Variants in LRRFIP1 observed in about 807,000 individuals in gnomAD.
LRRFIP1 encodes the protein leucine-rich repeat flightless-interacting protein 1.
In LRRFIP1, 62 loss-of-function variants were observed where a neutral mutation model predicts 104.4. The observed-to-expected ratio is 0.59, with a 90% CI of 0.48 to 0.73. The LOEUF is 0.73. LRRFIP1 is among the 30% of genes least tolerant of loss of function. The pLI, the probability that LRRFIP1 is intolerant of heterozygous loss-of-function variation, is 0.00. For missense variants in LRRFIP1, 796 were observed against 824.5 expected (o/e 0.97, Z 0.42); for synonymous variants, 300 against 299.0 (o/e 1.00, Z -0.03).
chr2:237,688,719 C>T (rs970254566), intron 1 of LRRFIP1, among the ~76,000 whole-genome samples: 1 of 152,020 alleles, frequency 6.6e-6, no homozygotes, highest in African/African-American at 2.4e-5. Flanking sequence ...TCGGCCTCCC[C>T]AAGTGCTGGG....
intron 19 of LRRFIP1, among the ~76,000 whole-genome samples, chr2:237,767,151 G>T (rs527334937): frequency 6.6e-6 from 1 of 152,246 alleles, no homozygotes; most frequent in South Asian, 2.1e-4. Flanking sequence ...ATTCCAGCCT[G>T]GGTGATGGAG....
chr2:237,754,784 A>G (rs916043800), intron 15 of LRRFIP1, among the ~76,000 whole-genome samples: 5 of 152,232 alleles, frequency 3.3e-5, no homozygotes, highest in Non-Finnish European at 5.9e-5. Context: ...AGTGGAGAGC[A>G]CAGCCCAGCC....
intron 22 of LRRFIP1, among the ~76,000 whole-genome samples, chr2:237,773,446 G>C (rs2060820110): frequency 6.6e-6 from 1 of 152,142 alleles, no homozygotes; most frequent in African/African-American, 2.4e-5. Context: ...GCTGAAGCAG[G>C]AGAATCGCTT....
chr2:237,779,513 C>T lies in LRRFIP1; in HGVS notation c.1904C>T (p.Ala635Val), dbSNP rs1318993205. The T allele has an allele frequency of 6.2e-7, 1 of 1,613,484 alleles. No homozygotes were observed. The change falls in exon 24 of 24, where the codon GCA becomes GTA. Residue 635 changes from alanine (A) to valine (V), a missense_variant. Transcript: ENST00000308482. ...GAAAAAATGAAAGCAAATCGGAGTG[C>T]ACTCTTGTCCCAGCAGTAAATTCCA... Reference protein sequence around the residue: ...RLEKMKANRSALLSQQ With the variant: ...RLEKMKANRSVLLSQQ
intron 13 of LRRFIP1, 73 bp from the exon 14 acceptor site, chr2:237,751,127 C>A: frequency 2.8e-6 from 3 of 1,061,158 alleles, no homozygotes; most frequent in South Asian, 1.5e-5. Flanking sequence ...AGAAACTACC[C>A]TGAAGTATAA....
chr2:237,768,628 G>A (rs947173673), intron 19 of LRRFIP1: 1 of 152,178 alleles, frequency 6.6e-6, no homozygotes, highest in Non-Finnish European at 1.5e-5. Context: ...TAATTTGACT[G>A]TAAATTAAAA....
In LRRFIP1 at chr2:237,771,430, G is replaced by C. The variant is rs1576423558; in HGVS notation, c.1510-651G>C. On this transcript the variant is annotated intron_variant, in intron 20 of 23. Coordinates refer to ENST00000308482, the MANE Select transcript of LRRFIP1 (RefSeq NM_001137550.2). ...AGTTGTAGGCGTTGGGTATTAAAAG[G>C]AATCTAGAGGTGATTTAAAGTGTAC... Among the ~76,000 whole-genome samples, 3 of 152,104 alleles carry C rather than the reference G, an allele frequency of 2.0e-5. No homozygotes were observed. The South Asian group carries it at 6.2e-4, about 32-fold the overall frequency.
In LRRFIP1 at chr2:237,735,196, C is replaced by T. The variant is rs971081480; in HGVS notation, c.490-72C>T. ...GCACGTGTCAGTTTTTCACAGCTCA[C>T]GTTTTCAGCACTTTCTGGGCACTCT... On this transcript the variant is annotated intron_variant, in intron 9 of 23. Coordinates refer to ENST00000308482, the MANE Select transcript of LRRFIP1 (RefSeq NM_001137550.2). This position sits in a 1 kb window ranked among gnomAD's most constrained non-coding sequence, Gnocchi z 4.6. 7.5e-6 allele frequency: 10 copies of T among 1,325,768 alleles called. No individual in the cohort carries two copies. The highest frequency in any genetic ancestry group is 1.8e-4 in the Middle Eastern group (1 of 5,430). The allele number at this position is 1,325,768 out of a possible 1,614,324, so 82.1% of individuals were successfully genotyped here. A position where few individuals can be genotyped will look rare whatever the true frequency, so the allele number is the denominator to read the frequency against.
intron 1 of LRRFIP1, among the ~76,000 whole-genome samples, chr2:237,681,678 CTTTTTTT>C (rs1172576547): frequency 2.2e-5 from 1 of 44,908 alleles, no homozygotes; most frequent in Admixed American, 3.2e-4. Context: ...CAGTCCTATT[CTTTTTTT>C]TTTTTTTTTT....
chr2:237,721,811 C>T (rs111362115), intron 6 of LRRFIP1: 4 of 152,292 alleles, frequency 2.6e-5, no homozygotes, highest in Middle Eastern at 3.4e-3. Flanking sequence ...AAAGCAGATC[C>T]GTAGTGATTT....
At chr2:237,774,486 G>A (rs781518752) in intron 23 of LRRFIP1, 24 bp downstream of exon 23, 31 of 1,447,944 alleles carry the variant, frequency 2.1e-5, no homozygotes, top group Non-Finnish European at 2.8e-5. Context: ...GCAATTTCTA[G>A]GAAGAGAATG....
chr2:237,774,318 C>A, intron 22 of LRRFIP1, 40 bp from the exon 23 acceptor site: 1 of 1,206,942 alleles, frequency 8.3e-7, no homozygotes, highest in Non-Finnish European at 1.2e-6. Context: ...AGAAAACAGG[C>A]TTATCAATTT....
At chr2:237,752,060 C>T (rs895470379) in intron 14 of LRRFIP1, among the ~76,000 whole-genome samples, 3 of 152,174 alleles carry the variant, frequency 2.0e-5, no homozygotes, top group Admixed American at 2.0e-4. Flanking sequence ...TTCATATCTG[C>T]CACCTTTCCT....
chr2:237,655,980 C>G (rs374308314), intron 1 of LRRFIP1, among the ~76,000 whole-genome samples: 1 of 152,194 alleles, frequency 6.6e-6, no homozygotes, highest in South Asian at 2.1e-4. Flanking sequence ...GAGATTTATT[C>G]ACTGAATCAA....
chr2:237,756,026 T>A, intron 15 of LRRFIP1, 69 bp from the exon 16 acceptor site: 2 of 958,698 alleles, frequency 2.1e-6, no homozygotes, highest in Non-Finnish European at 3.3e-6. Flanking sequence ...CTATAAATCG[T>A]GAGAGCCTGA....
At chr2:237,775,900 G>A (rs983650765) in intron 23 of LRRFIP1, among the ~76,000 whole-genome samples, 1 of 151,988 alleles carries the variant, frequency 6.6e-6, no homozygotes, top group Non-Finnish European at 1.5e-5. Context: ...GACTGTGGAG[G>A]AGAAACCAAA....
At chr2:237,630,137 G>C (rs542581598) in intron 1 of LRRFIP1, among the ~76,000 whole-genome samples, 1 of 152,382 alleles carries the variant, frequency 6.6e-6, no homozygotes, top group East Asian at 1.9e-4. Flanking sequence ...AGGTGCAGCT[G>C]TTACTAGTGC....
In LRRFIP1 at chr2:237,756,158, G is replaced by A; in HGVS notation, c.1102G>A (p.Ala368Thr). The change falls in exon 16 of 24, where the codon GCC becomes ACC. Residue 368 changes from alanine to threonine, a missense_variant. Ala to Thr is a moderately conservative substitution (Grantham distance 58, BLOSUM62 0). Transcript: ENST00000308482. Reference sequence around the variant, plus strand: ...ATTTCAGTTTGCTGAAGTCAAGGAGGCCCTGAAGCAAAGAGAGGAAATGCT... The same window carrying A: ...ATTTCAGTTTGCTGAAGTCAAGGAGACCCTGAAGCAAAGAGAGGAAATGCT... Reference protein sequence around the residue: ...LQFQFAEVKEALKQREEMLEE... With the variant: ...LQFQFAEVKETLKQREEMLEE... 1.2e-6 allele frequency: 2 copies of A among 1,613,972 alleles called. No homozygotes were observed. Among genetic ancestry groups the A allele is most frequent in the East Asian group, 4.5e-5 (2 of 44,864 alleles).
intron 23 of LRRFIP1, 135 bp downstream of exon 23, chr2:237,774,597 A>G (rs2060925031): frequency 1.5e-6 from 1 of 649,848 alleles, no homozygotes. Flanking sequence ...ACCACTCTGC[A>G]GTGCCGGTGT....
Sources: gnomAD v4.1 joint callset for allele counts (sites outside exome capture counted in the v4.1 genomes callset) on GRCh38, gnomAD v4.1.1 for gene constraint, Gnocchi (gnomAD v3.1) non-coding constraint, MANE v1.5 for transcripts, NCBI Gene and HGNC (gene_info 2026-07-23, HGNC 2026-07-21) for gene names.